Variants in SAP30BP observed in about 807,000 individuals in gnomAD.
The protein encoded by SAP30BP is SAP30-binding protein.
In SAP30BP, 31 loss-of-function variants were observed where a neutral mutation model predicts 46.3. The observed-to-expected ratio is 0.67, with a 90% CI of 0.50 to 0.90. The LOEUF (loss-of-function observed/expected upper bound fraction) is 0.90. SAP30BP is among the 40% of genes least tolerant of loss of function. SAP30BP has a pLI of 0.00. For missense variants in SAP30BP, 312 were observed against 391.0 expected (o/e 0.80, Z 1.70); for synonymous variants, 169 against 144.2 (o/e 1.17, Z -1.23).
intron 3 of SAP30BP, chr17:75,690,610 C>T (rs912488935): frequency 6.7e-6 from 3 of 449,846 alleles, no homozygotes; most frequent in South Asian, 1.6e-5. Flanking sequence ...TGAGCCACTG[C>T]GCCTGACCAA....
intron 5 of SAP30BP, among the ~76,000 whole-genome samples, chr17:75,701,951 G>A (rs2060417689): frequency 6.6e-6 from 1 of 152,212 alleles, no homozygotes; most frequent in Non-Finnish European, 1.5e-5. Context: ...AGCAGTGAAA[G>A]CAGCCTGGTC....
intron 3 of SAP30BP, chr17:75,691,689 G>A (rs1473519208): frequency 2.9e-6 from 1 of 340,750 alleles, no homozygotes. Flanking sequence ...CTTGGGGAAG[G>A]GTGAGTGGGG....
chr17:75,669,955 G>GT (rs1464104730), intron 2 of SAP30BP, among the ~76,000 whole-genome samples: 1 of 152,200 alleles, frequency 6.6e-6, no homozygotes, highest in Non-Finnish European at 1.5e-5. Flanking sequence ...TGCTTAGCAA[G>GT]TTTTAATTAA....
intron 5 of SAP30BP, among the ~76,000 whole-genome samples, chr17:75,700,719 C>T (rs946110923): frequency 2.0e-5 from 3 of 152,180 alleles, no homozygotes; most frequent in Non-Finnish European, 2.9e-5. Flanking sequence ...GGGTCGTCTC[C>T]CCACCACCGC....
intron 3 of SAP30BP, among the ~76,000 whole-genome samples, chr17:75,690,225 A>G (rs1172566437): frequency 6.6e-6 from 1 of 152,132 alleles, no homozygotes; most frequent in South Asian, 2.1e-4. Context: ...CATTTTTCAT[A>G]CTAAATACCT....
chr17:75,690,830 A>G (rs1209508976), intron 3 of SAP30BP: 2 of 449,216 alleles, frequency 4.5e-6, no homozygotes, highest in Non-Finnish European at 9.0e-6. Flanking sequence ...GTAGGTCCCA[A>G]GGGTGCCTAT....
intron 3 of SAP30BP, among the ~76,000 whole-genome samples, chr17:75,679,186 CAG>C: frequency 6.6e-6 from 1 of 152,054 alleles, no homozygotes; most frequent in Admixed American, 6.6e-5. Context: ...TTAGTAGAGA[CAG>C]GGTTTCACCA....
rs373126274 is a variant in SAP30BP, at chr17:75,693,440, G to C, written c.265G>C (p.Asp89His). 9 of 1,613,820 alleles carry C rather than the reference G, an allele frequency of 5.6e-6. No individual in the cohort carries two copies. In the African/African-American group the frequency reaches 1.2e-4, roughly 22 times the overall value. Residue 89 changes from aspartate (D) to histidine (H), a missense_variant and splice_region_variant, in exon 4 of 11, where the codon GAT becomes CAT. Transcript: ENST00000584667. ...TEKPEADDPK[D>H]NTEAEKRDPQ... Reference sequence around the variant, plus strand: ...CCTCGTATTTGTTTGTCTTTTGCAGGATAATACAGAAGCAGAAAAGCGAGA... The same window carrying C: ...CCTCGTATTTGTTTGTCTTTTGCAGCATAATACAGAAGCAGAAAAGCGAGA...
At chr17:75,678,365 A>G (rs762729641) in intron 3 of SAP30BP, among the ~76,000 whole-genome samples, 1 of 152,148 alleles carries the variant, frequency 6.6e-6, no homozygotes, top group African/African-American at 2.4e-5. Context: ...GATACTTGAT[A>G]CAATGTAAAT....
intron 2 of SAP30BP, among the ~76,000 whole-genome samples, chr17:75,669,744 A>T (rs1388486279): frequency 2.6e-5 from 4 of 152,138 alleles, no homozygotes; most frequent in Non-Finnish European, 5.9e-5. Context: ...TGGTGCCCTT[A>T]GTTCTTGATC....
chr17:75,676,344 G>A (rs764965067), intron 3 of SAP30BP, among the ~76,000 whole-genome samples: 42 of 152,108 alleles, frequency 2.8e-4, no homozygotes, highest in Non-Finnish European at 5.0e-4. Context: ...TTGTTCTGTC[G>A]TATCAAAAAA....
chr17:75,697,731 G>A (rs1275941663), intron 4 of SAP30BP, among the ~76,000 whole-genome samples: 3 of 152,180 alleles, frequency 2.0e-5, no homozygotes, highest in Admixed American at 6.5e-5. Context: ...ATTTGCAGTC[G>A]GCATAGGCTT....
chr17:75,693,726 G>A (rs575437822), intron 4 of SAP30BP, among the ~76,000 whole-genome samples: 1 of 152,350 alleles, frequency 6.6e-6, no homozygotes, highest in East Asian at 1.9e-4. Flanking sequence ...TGCCAGCGCT[G>A]TCAAGAGGGA....
chr17:75,684,499 G>C (rs1026686686), intron 3 of SAP30BP: 1 of 152,220 alleles, frequency 6.6e-6, no homozygotes, highest in Non-Finnish European at 1.5e-5. Flanking sequence ...CTTGACCATT[G>C]CTGGTTTGTG....
intron 3 of SAP30BP, among the ~76,000 whole-genome samples, chr17:75,677,029 C>A (rs1360577864): frequency 1.3e-5 from 2 of 151,798 alleles, no homozygotes; most frequent in Non-Finnish European, 2.9e-5. Context: ...CATGTCATTG[C>A]CCAAAATATT....
At chr17:75,691,370 G>A (rs1257316530) in intron 3 of SAP30BP, 3 of 451,422 alleles carry the variant, frequency 6.6e-6, no homozygotes, top group East Asian at 1.4e-4. Context: ...CTGTGATTTT[G>A]CCCCATCATC....
intron 3 of SAP30BP, among the ~76,000 whole-genome samples, chr17:75,678,712 G>A (rs1213891506): frequency 1.3e-5 from 2 of 152,072 alleles, no homozygotes; most frequent in East Asian, 3.9e-4. Context: ...GCTCTCAGAA[G>A]AGCAGTCATA....
chr17:75,667,382 A>C lies in SAP30BP; in HGVS notation c.10A>C (p.Lys4Gln), dbSNP rs1293461793. 6.2e-7 allele frequency: 1 copy of C among 1,614,134 alleles called. No individual in the cohort carries two copies. The highest frequency in any genetic ancestry group is 1.7e-5 in the Admixed American group (1 of 60,018). Residue 4 changes from lysine (K) to glutamine (Q), a missense_variant, in exon 1 of 11, where the codon AAG (lysine) becomes CAG (glutamine). This residue lies in a region of SAP30BP where 296 missense variants were observed against 346.6 expected (regional missense o/e 0.85). Transcript: ENST00000584667. ...GGGCTGTGGGAATAAGATGGCGGGGAAGAAGAATGTTCTGTCGTCTCTCGC... is the reference window on the plus strand; with the variant it reads ...GGGCTGTGGGAATAAGATGGCGGGGCAGAAGAATGTTCTGTCGTCTCTCGC... MAG[K>Q]KNVLSSLAVY...
At chr17:75,689,133 G>A (rs2060205411) in intron 3 of SAP30BP, among the ~76,000 whole-genome samples, 1 of 148,628 alleles carries the variant, frequency 6.7e-6, no homozygotes, top group African/African-American at 2.5e-5. Context: ...TTTTGTTTTT[G>A]TCTTTTCGTT....
Sources: gnomAD v4.1 joint callset for allele counts (sites outside exome capture counted in the v4.1 genomes callset) on GRCh38, gnomAD v4.1.1 for gene constraint, gnomAD v4.1.1 regional missense constraint, MANE v1.5 for transcripts, NCBI Gene and HGNC (gene_info 2026-07-23, HGNC 2026-07-21) for gene names.